MAF: variants seen among roughly 807,000 people sequenced by gnomAD.
MAF encodes MAF bZIP transcription factor.
MAF carries 10 observed loss-of-function variants against 22.0 expected under a neutral mutation model. That is an observed-to-expected ratio of 0.45 (90% CI 0.28 to 0.77). The LOEUF (loss-of-function observed/expected upper bound fraction) is 0.77. MAF is among the 30% of genes least tolerant of loss of function. The pLI is 0.12. For missense variants in MAF, 544 were observed against 548.4 expected (o/e 0.99, Z 0.08); for synonymous variants, 337 against 255.8 (o/e 1.32, Z -3.03).
chr16:79,585,238 C>T (rs948242629), downstream of MAF, among the ~76,000 whole-genome samples: 1 of 152,118 alleles, frequency 6.6e-6, no homozygotes, highest in Non-Finnish European at 1.5e-5. Flanking sequence ...TAGCTCAATT[C>T]CATTATTTTA....
chr16:79,336,279 C>G, the MAF span, among the ~76,000 whole-genome samples: 1 of 152,228 alleles, frequency 6.6e-6, no homozygotes. Flanking sequence ...TTGAGCTTCA[C>G]AACCAACGCA....
At chr16:79,321,513 G>C in the MAF span, among the ~76,000 whole-genome samples, 1 of 152,146 alleles carries the variant, frequency 6.6e-6, no homozygotes, top group African/African-American at 2.4e-5. Flanking sequence ...AATGTGCTAA[G>C]AATGAGAAGG....
chr16:79,410,872 A>C, the MAF span, among the ~76,000 whole-genome samples: 2 of 152,216 alleles, frequency 1.3e-5, no homozygotes, highest in Non-Finnish European at 2.9e-5. Context: ...GAGAGGCCAG[A>C]GATAACCCTT....
At chr16:79,463,376 AC>A in the MAF span, among the ~76,000 whole-genome samples, 1 of 152,336 alleles carries the variant, frequency 6.6e-6, no homozygotes, top group East Asian at 1.9e-4. Flanking sequence ...ATGCCAGCTT[AC>A]CTTGATGCCC....
chr16:79,385,772 A>C, the MAF span, among the ~76,000 whole-genome samples: 1 of 152,176 alleles, frequency 6.6e-6, no homozygotes, highest in Admixed American at 6.5e-5. Flanking sequence ...GTGGTAGTAC[A>C]CGCCTGTAAT....
At chr16:79,204,726 C>G in the MAF span, 3 of 152,218 alleles carry the variant, frequency 2.0e-5, no homozygotes, top group Admixed American at 6.5e-5. Flanking sequence ...CATGCCTTGG[C>G]CTTCCCAGAA....
At chr16:79,204,770 G>C in the MAF span, 7 of 152,138 alleles carry the variant, frequency 4.6e-5, no homozygotes, top group Non-Finnish European at 1.0e-4. Context: ...GGGTGGTTGG[G>C]ACTGGCTGCC....
downstream of MAF, among the ~76,000 whole-genome samples, chr16:79,592,077 T>C (rs1913221051): frequency 6.6e-6 from 1 of 152,246 alleles, no homozygotes; most frequent in African/African-American, 2.4e-5. Context: ...GGATTATTTC[T>C]GGGCCTCCCG....
the MAF span, among the ~76,000 whole-genome samples, chr16:79,228,383 C>T: frequency 3.3e-5 from 5 of 152,010 alleles, 1 homozygote; most frequent in Non-Finnish European, 7.4e-5. Context: ...CTAATAATAT[C>T]ACATGTGCTT....
the MAF span, among the ~76,000 whole-genome samples, chr16:79,289,867 T>TTTTTTTTTTTTTTTTTTTTTTTTTTC: frequency 4.2e-5 from 5 of 118,510 alleles, no homozygotes; most frequent in African/African-American, 6.4e-5. Context: ...TTTTTTTTTT[T>TTTTTTTTTTTTTTTTTTTTTTTTTTC]TGTGAGACGG....
the MAF span, among the ~76,000 whole-genome samples, chr16:79,397,233 C>A: frequency 1.3e-5 from 2 of 152,196 alleles, no homozygotes; most frequent in Non-Finnish European, 1.5e-5. Context: ...CATGGGGCCA[C>A]ATGCACTGAG....
chr16:79,238,094 C>T, the MAF span, among the ~76,000 whole-genome samples: 1 of 152,090 alleles, frequency 6.6e-6, no homozygotes, highest in Admixed American at 6.6e-5. Flanking sequence ...AGGCTTTGAC[C>T]TGCAGTCATC....
At chr16:79,365,133 G>A in the MAF span, among the ~76,000 whole-genome samples, 1 of 152,172 alleles carries the variant, frequency 6.6e-6, no homozygotes, top group African/African-American at 2.4e-5. Context: ...TAGTATAGGA[G>A]CCCAAGGCAC....
chr16:79,296,332 A>T, the MAF span, among the ~76,000 whole-genome samples: 1 of 152,152 alleles, frequency 6.6e-6, no homozygotes, highest in Non-Finnish European at 1.5e-5. Flanking sequence ...GAATACATGG[A>T]CACAGGGAGG....
At chr16:79,423,191 G>A in the MAF span, among the ~76,000 whole-genome samples, 1 of 152,194 alleles carries the variant, frequency 6.6e-6, no homozygotes, top group Non-Finnish European at 1.5e-5. Flanking sequence ...TACCTATACC[G>A]CAAGAGTTAT....
chr16:79,498,942 G>A, the MAF span, among the ~76,000 whole-genome samples: 1 of 152,188 alleles, frequency 6.6e-6, no homozygotes, highest in Admixed American at 6.5e-5. Context: ...CAAGGCAGAT[G>A]TGTAGCAAGG....
chr16:79,320,241 AT>A, the MAF span, among the ~76,000 whole-genome samples: 1 of 152,188 alleles, frequency 6.6e-6, no homozygotes, highest in African/African-American at 2.4e-5. Flanking sequence ...CTCTCTATAT[AT>A]ATACTTAAAG....
the MAF span, among the ~76,000 whole-genome samples, chr16:79,567,330 A>C: frequency 1.3e-5 from 2 of 152,240 alleles, no homozygotes; most frequent in African/African-American, 4.8e-5. Flanking sequence ...GAAAAAAAAA[A>C]ATGCAAATAT....
the MAF span, among the ~76,000 whole-genome samples, chr16:79,232,879 C>G: frequency 7.3e-6 from 1 of 136,944 alleles, no homozygotes; most frequent in African/African-American, 2.8e-5. Flanking sequence ...CTCACTCTGT[C>G]GCCCAGGCTG....
Sources: allele counts gnomAD v4.1 joint callset (sites outside exome capture counted in the v4.1 genomes callset), GRCh38; gene constraint gnomAD v4.1.1; transcripts MANE v1.5; gene names NCBI Gene and HGNC (gene_info 2026-07-23, HGNC 2026-07-21).